Variants in CMIP observed in about 807,000 individuals in gnomAD.
CMIP encodes C-Maf-inducing protein.
CMIP carries 13 observed loss-of-function variants against 97.3 expected under a neutral mutation model. That is an observed-to-expected ratio of 0.13 (90% CI 0.09 to 0.21). The LOEUF (loss-of-function observed/expected upper bound fraction) is 0.21, where lower values mean the gene tolerates loss of function less well. Among genes scored for constraint, CMIP ranks in the 10% least tolerant of loss-of-function variants. CMIP has a pLI of 1.00. For missense variants in CMIP, 847 were observed against 1,024.9 expected, an observed-to-expected ratio of 0.83 and a Z score of 2.37; for synonymous variants, 538 against 436.3, an observed-to-expected ratio of 1.23 and a Z score of -2.91.
At chr16:81,642,875 A>G (rs1461887781) in intron 3 of CMIP, among the ~76,000 whole-genome samples, 1 of 152,032 alleles carries the variant, frequency 6.6e-6, no homozygotes, top group Non-Finnish European at 1.5e-5. Flanking sequence ...CAGCCTGGGT[A>G]ACAGAGTGAG....
intron 1 of CMIP, among the ~76,000 whole-genome samples, chr16:81,541,827 A>C (rs1460633788): frequency 6.6e-6 from 1 of 152,212 alleles, no homozygotes; most frequent in Non-Finnish European, 1.5e-5. Context: ...TTTATGTGAA[A>C]ACGACCCAGA....
At chr16:81,543,289 C>T (rs541791737) in intron 1 of CMIP, among the ~76,000 whole-genome samples, 1 of 152,328 alleles carries the variant, frequency 6.6e-6, no homozygotes, top group South Asian at 2.1e-4. Flanking sequence ...CCCTCTCCTC[C>T]CTTCCCTAAT....
chr16:81,542,747 G>A (rs2090471713), intron 1 of CMIP, among the ~76,000 whole-genome samples: 2 of 152,040 alleles, frequency 1.3e-5, no homozygotes, highest in Non-Finnish European at 2.9e-5. Context: ...TTCTTATGAG[G>A]ACATTTATCC....
intron 19 of CMIP, 81 bp downstream of exon 19, chr16:81,705,685 T>A: frequency 1.1e-6 from 1 of 897,300 alleles, no homozygotes; most frequent in Non-Finnish European, 1.7e-6. Flanking sequence ...GGCCAAGCAC[T>A]GACTTTGCAC....
At chr16:81,489,703 A>G (rs1451689611) in intron 1 of CMIP, among the ~76,000 whole-genome samples, 1 of 152,166 alleles carries the variant, frequency 6.6e-6, no homozygotes, top group African/African-American at 2.4e-5. Flanking sequence ...GTGAAACGGC[A>G]CTGCCCAGGC....
intron 1 of CMIP, among the ~76,000 whole-genome samples, chr16:81,516,103 C>T (rs2966097): frequency 0.73 from 111,649 of 152,062 alleles, 41,901 homozygotes; most frequent in African/African-American, 0.88. Flanking sequence ...TCTGGGATCT[C>T]CTTCCTTGTG....
chr16:81,531,487 C>T (rs1050243448), intron 1 of CMIP, among the ~76,000 whole-genome samples: 9 of 152,190 alleles, frequency 5.9e-5, no homozygotes, highest in East Asian at 1.9e-4. Context: ...AGTCCAGTCT[C>T]GATTCTACGA....
chr16:81,621,498 A>G lies in CMIP; in HGVS notation c.477+572A>G, dbSNP rs530838306. The G allele has an allele frequency of 6.5e-6, 1 of 153,870 alleles. No homozygotes were observed. The highest frequency in any genetic ancestry group is 2.0e-4 in the South Asian group (1 of 4,882). 9.5% of individuals were successfully genotyped at this position (153,870 alleles called of 1,614,324 possible). On this transcript the variant is annotated intron_variant, in intron 3 of 20. Coordinates refer to ENST00000537098, the MANE Select transcript of CMIP (RefSeq NM_198390.3). The surrounding 1 kb of genome is among the most constrained non-coding windows in gnomAD (Gnocchi z 4.1). Reference sequence around the variant, plus strand: ...CTAAGAGGGGTCCCCCAGCCACCCGAGGAGCCTGAGTTGTGCCCCATGGCT... The same window carrying G: ...CTAAGAGGGGTCCCCCAGCCACCCGGGGAGCCTGAGTTGTGCCCCATGGCT...
intron 10 of CMIP, among the ~76,000 whole-genome samples, chr16:81,679,430 T>C (rs562503359): frequency 3.3e-4 from 50 of 152,214 alleles, no homozygotes; most frequent in African/African-American, 1.1e-3. Context: ...CATGAGCCCA[T>C]GTATGTGTGT....
intron 1 of CMIP, among the ~76,000 whole-genome samples, chr16:81,569,363 G>T (rs1375865294): frequency 6.6e-6 from 1 of 152,198 alleles, no homozygotes; most frequent in African/African-American, 2.4e-5. Context: ...AATGGAGCTG[G>T]CATCTGAACC....
rs557527308 is a variant in CMIP, at chr16:81,707,946, C to T, written c.2268+862C>T. On this transcript the variant is annotated intron_variant, in intron 20 of 20. Coordinates refer to ENST00000537098, the MANE Select transcript of CMIP (RefSeq NM_198390.3). Reference sequence around the variant, plus strand: ...AGGGAATCCCCCGGCAGCCCTTGGCCGGGGCCCACCTCCTACAGCCAGGCC... The same window carrying T: ...AGGGAATCCCCCGGCAGCCCTTGGCTGGGGCCCACCTCCTACAGCCAGGCC... 4.2e-3 allele frequency among the ~76,000 whole-genome samples: 647 copies of T among 152,374 alleles called. 2 individuals are homozygous for T. The highest frequency in any genetic ancestry group is 0.015 in the African/African-American group (630 of 41,594).
chr16:81,543,072 C>T (rs989806315), intron 1 of CMIP, among the ~76,000 whole-genome samples: 2 of 152,036 alleles, frequency 1.3e-5, no homozygotes, highest in Non-Finnish European at 2.9e-5. Context: ...CCGCTGGAGC[C>T]CATGAGGTGG....
At chr16:81,589,990 G>A (rs2091442474) in intron 1 of CMIP, among the ~76,000 whole-genome samples, 1 of 152,232 alleles carries the variant, frequency 6.6e-6, no homozygotes, top group Non-Finnish European at 1.5e-5. Context: ...ATGGGGCAGG[G>A]GGTGACAGCA....
At chr16:81,689,846 G>C (rs1905849827) in intron 10 of CMIP, among the ~76,000 whole-genome samples, 1 of 152,214 alleles carries the variant, frequency 6.6e-6, no homozygotes, top group Non-Finnish European at 1.5e-5. Context: ...GTGTAAGGAA[G>C]GGATCCAGTT....
intron 3 of CMIP, among the ~76,000 whole-genome samples, chr16:81,637,042 T>C (rs935998027): frequency 3.9e-5 from 6 of 152,158 alleles, no homozygotes; most frequent in African/African-American, 1.2e-4. Flanking sequence ...CACTTCTCTA[T>C]TGATGGACAT....
chr16:81,600,275 G>GAAAAA (rs71146022), intron 1 of CMIP, among the ~76,000 whole-genome samples: 2 of 81,708 alleles, frequency 2.4e-5, no homozygotes, highest in African/African-American at 5.0e-5. Context: ...GACTCCATCT[G>GAAAAA]AAAAAAAAAA....
intron 4 of CMIP, among the ~76,000 whole-genome samples, chr16:81,656,206 C>G (rs557766501): frequency 3.3e-5 from 5 of 152,222 alleles, no homozygotes; most frequent in African/African-American, 4.8e-5. Flanking sequence ...GCTTCACGGC[C>G]TCCCGCAGCC....
chr16:81,623,158 T>C (rs10153151), intron 3 of CMIP, among the ~76,000 whole-genome samples: 28,832 of 152,054 alleles, frequency 0.19, 3,115 homozygotes, highest in East Asian at 0.29. Context: ...GAGCCAAGAT[T>C]GGTCCACTGC....
At chr16:81,523,498 A>G (rs1055856727) in intron 1 of CMIP, among the ~76,000 whole-genome samples, 3 of 152,166 alleles carry the variant, frequency 2.0e-5, no homozygotes, top group African/African-American at 7.2e-5. Context: ...GGACTCCAGA[A>G]GCAGGGCTTC....
Sources: gnomAD v4.1 joint callset for allele counts (sites outside exome capture counted in the v4.1 genomes callset) on GRCh38, gnomAD v4.1.1 for gene constraint, Gnocchi (gnomAD v3.1) non-coding constraint, MANE v1.5 for transcripts, NCBI Gene and HGNC (gene_info 2026-07-23, HGNC 2026-07-21) for gene names.